EZH2: variants seen among roughly 807,000 people sequenced by gnomAD.
EZH2 encodes the protein enhancer of zeste 2 polycomb repressive complex 2 subunit.
Under a neutral mutation model 98.4 loss-of-function variants are expected in EZH2, and 18 were observed. The observed-to-expected ratio is 0.18, with a 90% CI of 0.13 to 0.27. EZH2 has a LOEUF of 0.27. Among genes scored for constraint, EZH2 ranks in the 10% least tolerant of loss-of-function variants. EZH2 has a pLI of 1.00. For synonymous variants in EZH2, 338 were observed against 312.3 expected (o/e 1.08, Z -0.87); for missense variants, 470 against 935.1 (o/e 0.50, Z 6.49).
chr7:148,813,837 G>A (rs1029408842), intron 15 of EZH2, 122 bp downstream of exon 15: 3 of 1,012,790 alleles, frequency 3.0e-6, no homozygotes, highest in Non-Finnish European at 4.3e-6. Flanking sequence ...TTTCTCATCA[G>A]TTGCACCTTT....
At chr7:148,817,761 G>GGTTATCTAGTTTCA (rs1320515055) in intron 10 of EZH2, 116 bp downstream of exon 10, 1 of 1,348,632 alleles carries the variant, frequency 7.4e-7, no homozygotes, top group African/African-American at 1.4e-5. Flanking sequence ...AGATAACTCT[G>GGTTATCTAGTTTCA]GTCTTTATAC....
At chr7:148,882,281 A>G (rs576215233) in intron 1 of EZH2, among the ~76,000 whole-genome samples, 1 of 152,206 alleles carries the variant, frequency 6.6e-6, no homozygotes, top group Admixed American at 6.5e-5. Context: ...GATCTTTATC[A>G]TATAGGACAG....
intron 1 of EZH2, among the ~76,000 whole-genome samples, chr7:148,870,709 A>T (rs888037004): frequency 1.3e-5 from 2 of 151,690 alleles, no homozygotes; most frequent in African/African-American, 4.9e-5. Flanking sequence ...AAAAAAAAAA[A>T]AAGTATAAAG....
intron 6 of EZH2, among the ~76,000 whole-genome samples, chr7:148,828,374 T>C (rs772410401): frequency 1.3e-5 from 2 of 152,118 alleles, no homozygotes; most frequent in Non-Finnish European, 2.9e-5. Context: ...TCTCACTCTG[T>C]CACCCAGCCA....
intron 12 of EZH2, 67 bp from the exon 13 acceptor site, chr7:148,815,613 T>C: frequency 2.2e-6 from 3 of 1,365,282 alleles, no homozygotes; most frequent in South Asian, 2.3e-5. Flanking sequence ...AGAGAGCTGC[T>C]TAACTGGATC....
At chr7:148,850,057 C>T (rs973097481) in intron 1 of EZH2, among the ~76,000 whole-genome samples, 1 of 151,978 alleles carries the variant, frequency 6.6e-6, no homozygotes, top group Non-Finnish European at 1.5e-5. Context: ...CTCACTCTGT[C>T]CCCCAAGCTG....
intron 6 of EZH2, among the ~76,000 whole-genome samples, 200 bp from the exon 7 acceptor site, chr7:148,827,466 T>C (rs1485381278): frequency 2.0e-5 from 3 of 152,140 alleles, no homozygotes; most frequent in Admixed American, 6.5e-5. Flanking sequence ...AATTCAAATA[T>C]GAAAAGCTTT....
At chr7:148,872,065 A>AC (rs1234987950) in intron 1 of EZH2, among the ~76,000 whole-genome samples, 1 of 152,220 alleles carries the variant, frequency 6.6e-6, no homozygotes, top group Non-Finnish European at 1.5e-5. Flanking sequence ...TGAATCACCA[A>AC]ATCACCAAGC....
chr7:148,843,830 C>T (rs1813210210), intron 3 of EZH2, among the ~76,000 whole-genome samples: 1 of 151,738 alleles, frequency 6.6e-6, no homozygotes, highest in African/African-American at 2.4e-5. Flanking sequence ...CTCCTGACCT[C>T]GTGATCCGCC....
intron 1 of EZH2, among the ~76,000 whole-genome samples, chr7:148,865,579 C>T (rs1818321664): frequency 6.6e-6 from 1 of 152,152 alleles, no homozygotes; most frequent in African/African-American, 2.4e-5. Flanking sequence ...ACTCTGTGCT[C>T]AACAGAAGAG....
chr7:148,880,131 T>C (rs1412252430), intron 1 of EZH2, among the ~76,000 whole-genome samples: 1 of 152,154 alleles, frequency 6.6e-6, no homozygotes, highest in Non-Finnish European at 1.5e-5. Flanking sequence ...CCACATAATC[T>C]AAACACAAAT....
chr7:148,809,623 A>C (rs1419415228), intron 17 of EZH2, among the ~76,000 whole-genome samples: 1 of 151,848 alleles, frequency 6.6e-6, no homozygotes, highest in Non-Finnish European at 1.5e-5. Context: ...AAAGCTATTA[A>C]TTATCAACTA....
At chr7:148,813,879 A>C in intron 15 of EZH2, 80 bp downstream of exon 15, 1 of 1,441,948 alleles carries the variant, frequency 6.9e-7, no homozygotes, top group Non-Finnish European at 9.4e-7. Context: ...GCCCCAGCTA[A>C]ATCATCTAAG....
At chr7:148,857,429 A>G (rs866290677) in intron 1 of EZH2, among the ~76,000 whole-genome samples, 4 of 152,214 alleles carry the variant, frequency 2.6e-5, no homozygotes, top group Admixed American at 6.5e-5. Flanking sequence ...GTTTTAACAA[A>G]TATACCATGG....
intron 15 of EZH2, among the ~76,000 whole-genome samples, chr7:148,813,197 C>G (rs975219371): frequency 1.3e-5 from 2 of 152,256 alleles, no homozygotes; most frequent in East Asian, 3.9e-4. Context: ...ACTTACTCCT[C>G]ACTCACAGGG....
chr7:148,814,213 G>T (rs1803933442), intron 14 of EZH2, 76 bp from the exon 15 acceptor site: 1 of 1,355,202 alleles, frequency 7.4e-7, no homozygotes, highest in Non-Finnish European at 1.0e-6. Context: ...GGCAAGGGCT[G>T]TACTGGGCAT....
chr7:148,854,504 G>A (rs1432556405), intron 1 of EZH2, among the ~76,000 whole-genome samples: 1 of 151,422 alleles, frequency 6.6e-6, no homozygotes, highest in East Asian at 1.9e-4. Flanking sequence ...TATTTGGTCT[G>A]GCCAAATAAA....
At chr7:148,875,867 GT>G (rs1466377731) in intron 1 of EZH2, among the ~76,000 whole-genome samples, 3 of 152,178 alleles carry the variant, frequency 2.0e-5, no homozygotes, top group Non-Finnish European at 4.4e-5. Context: ...AATTCAGAGA[GT>G]TTACTACAAG....
chr7:148,819,914 T>C (rs777821134), intron 8 of EZH2, among the ~76,000 whole-genome samples: 3 of 152,236 alleles, frequency 2.0e-5, no homozygotes, highest in Non-Finnish European at 4.4e-5. Flanking sequence ...AATTCTGGAA[T>C]GAGTCGTGAT....
Sources: allele counts gnomAD v4.1 joint callset (sites outside exome capture counted in the v4.1 genomes callset), GRCh38; gene constraint gnomAD v4.1.1; transcripts MANE v1.5; gene names NCBI Gene and HGNC (gene_info 2026-07-23, HGNC 2026-07-21).